The following FOXP2 variants were observed in gnomAD, a reference collection of about 807,000 sequenced individuals.
FOXP2 encodes forkhead box P2.
FOXP2 carries 12 observed loss-of-function variants against 115.8 expected under a neutral mutation model. The observed-to-expected ratio is 0.10, with a 90% confidence interval of 0.07 to 0.17. FOXP2 has a LOEUF of 0.17. FOXP2 is among the 10% of genes least tolerant of loss of function. The pLI is 1.00. For missense variants in FOXP2, 629 were observed against 843.5 expected, an observed-to-expected ratio of 0.75 and a Z score of 3.15; for synonymous variants, 328 against 297.7, an observed-to-expected ratio of 1.10 and a Z score of -1.05.
At chr7:114,640,890 G>A (rs1199530652) in intron 6 of FOXP2, among the ~76,000 whole-genome samples, 1 of 152,136 alleles carries the variant, frequency 6.6e-6, no homozygotes, top group Non-Finnish European at 1.5e-5. Context: ...CATATTTAAT[G>A]TTTCTGAGCC....
intron 2 of FOXP2, among the ~76,000 whole-genome samples, chr7:114,388,032 A>T (rs957382617): frequency 2.0e-5 from 3 of 152,224 alleles, no homozygotes; most frequent in African/African-American, 7.2e-5. Context: ...TTTAATATAT[A>T]ACTTGACAGA....
At chr7:114,353,334 C>CTTTTTTTTTT (rs138925770) in intron 2 of FOXP2, among the ~76,000 whole-genome samples, 1 of 64,114 alleles carries the variant, frequency 1.6e-5, no homozygotes, top group Non-Finnish European at 2.8e-5. Context: ...ATAGGAGCCT[C>CTTTTTTTTTT]TTTTTTTTTT....
intron 2 of FOXP2, among the ~76,000 whole-genome samples, chr7:114,516,091 C>T (rs1302566047): frequency 1.3e-5 from 2 of 152,062 alleles, no homozygotes; most frequent in African/African-American, 2.4e-5. Flanking sequence ...AAAAAGAGCC[C>T]GCATCGCCAA....
At chr7:114,671,506 C>T (rs2129345572) in intron 16 of FOXP2, among the ~76,000 whole-genome samples, 1 of 152,270 alleles carries the variant, frequency 6.6e-6, no homozygotes, top group South Asian at 2.1e-4. Flanking sequence ...TTGTAGCTTA[C>T]TGCTTCTGTT....
At chr7:114,345,124 T>A (rs1791315766) in intron 2 of FOXP2, among the ~76,000 whole-genome samples, 1 of 151,854 alleles carries the variant, frequency 6.6e-6, no homozygotes, top group Admixed American at 6.6e-5. Context: ...AAAATACAAT[T>A]TTTGCAACAG....
At chr7:114,568,433 T>G (rs113111121) in intron 3 of FOXP2, among the ~76,000 whole-genome samples, 5,706 of 146,750 alleles carry the variant, frequency 0.039, 320 homozygotes, top group African/African-American at 0.12. Flanking sequence ...GGTTTTTTTT[T>G]GGGGGGGGGT....
In FOXP2 at chr7:114,662,165, G is replaced by A; in HGVS notation, c.1748G>A (p.Arg583Gln). 1.2e-6 allele frequency: 2 copies of A among 1,612,748 alleles called. No individual in the cohort carries two copies. Among genetic ancestry groups the A allele is most frequent in the East Asian group, 2.2e-5 (1 of 44,802 alleles). ...WTVDEVEYQK[R>Q]RSQKITGSPT... is the part of the protein sequence containing the mutation. ...GTGGATGAAGTAGAATACCAGAAGC[G>A]AAGGTCACAAAAGATAACAGGGTAT... The change falls in exon 14 of 17, where the codon CGA (arginine) becomes CAA (glutamine). Residue 583 changes from arginine (R) to glutamine (Q), a missense_variant. This residue lies in a region of FOXP2 where 40 missense variants were observed against 75.3 expected (regional missense o/e 0.53). Coordinates refer to ENST00000350908, the MANE Select transcript of FOXP2 (RefSeq NM_014491.4).
intron 3 of FOXP2, among the ~76,000 whole-genome samples, chr7:114,556,128 G>A (rs1028405164): frequency 4.6e-5 from 7 of 152,122 alleles, no homozygotes; most frequent in Non-Finnish European, 8.8e-5. Flanking sequence ...ATGTCAAATG[G>A]TAAGAAGTTT....
intron 2 of FOXP2, among the ~76,000 whole-genome samples, chr7:114,313,867 T>C (rs1300892616): frequency 6.6e-6 from 1 of 152,166 alleles, no homozygotes; most frequent in Non-Finnish European, 1.5e-5. Flanking sequence ...ACGTATTATG[T>C]TTAGGATAAT....
At chr7:114,473,647 C>A (rs1021624658) in intron 2 of FOXP2, among the ~76,000 whole-genome samples, 10 of 151,822 alleles carry the variant, frequency 6.6e-5, no homozygotes, top group African/African-American at 2.4e-4. Flanking sequence ...AAAAGGGAGC[C>A]CTCCCTTATA....
At chr7:114,219,755 A>G (rs1479555725) in intron 1 of FOXP2, among the ~76,000 whole-genome samples, 1 of 152,024 alleles carries the variant, frequency 6.6e-6, no homozygotes, top group African/African-American at 2.4e-5. Flanking sequence ...TTTAATCCAT[A>G]CATTTATTTA....
chr7:114,505,778 C>T (rs1380108954), intron 2 of FOXP2, among the ~76,000 whole-genome samples: 4 of 151,636 alleles, frequency 2.6e-5, no homozygotes, highest in Non-Finnish European at 4.4e-5. Flanking sequence ...TTACACCTCT[C>T]TTTAATTGAT....
At chr7:114,663,376 T>G in intron 14 of FOXP2, 74 bp from the exon 15 acceptor site, 1 of 1,112,414 alleles carries the variant, frequency 9.0e-7, no homozygotes, top group East Asian at 2.4e-5. Context: ...GAACATACCT[T>G]TATAGCTGAG....
intron 1 of FOXP2, among the ~76,000 whole-genome samples, chr7:114,194,760 A>G (rs1449530597): frequency 1.3e-5 from 2 of 152,144 alleles, no homozygotes; most frequent in Non-Finnish European, 1.5e-5. Flanking sequence ...TATACAAAAT[A>G]TAACTTTGAG....
chr7:114,636,344 G>C (rs771184426), intron 6 of FOXP2, among the ~76,000 whole-genome samples: 1 of 152,008 alleles, frequency 6.6e-6, no homozygotes, highest in Non-Finnish European at 1.5e-5. Context: ...CAAAATTTAA[G>C]ATGAAAACTG....
chr7:114,676,897 G>T (rs987477370), intron 16 of FOXP2, among the ~76,000 whole-genome samples: 2 of 152,076 alleles, frequency 1.3e-5, no homozygotes, highest in African/African-American at 4.8e-5. Context: ...GTAGATATGA[G>T]TCATAAATTT....
chr7:114,557,690 T>G (rs1032478068), intron 3 of FOXP2, among the ~76,000 whole-genome samples: 11 of 152,168 alleles, frequency 7.2e-5, no homozygotes, highest in Non-Finnish European at 1.6e-4. Context: ...TTTATTTTTG[T>G]ATCTCTAATG....
chr7:114,275,134 G>C (rs1179303417), intron 1 of FOXP2, among the ~76,000 whole-genome samples: 4 of 151,416 alleles, frequency 2.6e-5, no homozygotes, highest in Non-Finnish European at 5.9e-5. Context: ...ATAAACTTAG[G>C]TGTAGTTTTT....
chr7:114,105,658 T>A (rs1010875624), intron 1 of FOXP2, among the ~76,000 whole-genome samples: 11 of 152,002 alleles, frequency 7.2e-5, no homozygotes, highest in African/African-American at 2.7e-4. Context: ...AAATGGGTCA[T>A]CTCACATTAT....
Sources: gnomAD v4.1 joint callset for allele counts (sites outside exome capture counted in the v4.1 genomes callset) on GRCh38, gnomAD v4.1.1 for gene constraint, gnomAD v4.1.1 regional missense constraint, MANE v1.5 for transcripts, NCBI Gene and HGNC (gene_info 2026-07-23, HGNC 2026-07-21) for gene names.